Variants in AUTS2 observed in about 807,000 individuals in gnomAD.
The protein encoded by AUTS2 is autism susceptibility gene 2 protein.
Under a neutral mutation model 112.4 loss-of-function variants are expected in AUTS2, and 17 were observed. The ratio of observed to expected loss-of-function variants is 0.15; its 90% CI spans 0.10 to 0.23. The LOEUF is 0.23. Ranked by LOEUF, AUTS2 falls within the 10% of genes least tolerant of loss-of-function variation. The pLI is 1.00. For synonymous variants in AUTS2, 751 were observed against 702.7 expected (o/e 1.07, Z -1.09); for missense variants, 1,510 against 1,701.6 (o/e 0.89, Z 1.98).
intron 5 of AUTS2, among the ~76,000 whole-genome samples, chr7:70,619,677 G>A (rs982871289): frequency 2.6e-5 from 4 of 152,060 alleles, no homozygotes; most frequent in Non-Finnish European, 4.4e-5. Context: ...GTAATAATTA[G>A]CATTTGAGCT....
chr7:70,588,951 A>T (rs574530073), intron 5 of AUTS2, among the ~76,000 whole-genome samples: 1 of 152,210 alleles, frequency 6.6e-6, no homozygotes, highest in Non-Finnish European at 1.5e-5. Flanking sequence ...CCATTCTGAG[A>T]TCTAAGCATA....
chr7:70,652,071 G>A (rs1806537517), intron 5 of AUTS2, among the ~76,000 whole-genome samples: 2 of 152,120 alleles, frequency 1.3e-5, no homozygotes. Context: ...GTATATTACT[G>A]TGTCTATTTG....
chr7:70,744,978 T>C (rs1481632011), intron 6 of AUTS2, among the ~76,000 whole-genome samples: 2 of 152,128 alleles, frequency 1.3e-5, no homozygotes, highest in Non-Finnish European at 2.9e-5. Flanking sequence ...ATTGCAGTGA[T>C]GCATTGCAGG....
chr7:69,791,410 A>G (rs1478426842), intron 1 of AUTS2, among the ~76,000 whole-genome samples: 2 of 152,226 alleles, frequency 1.3e-5, no homozygotes, highest in Non-Finnish European at 2.9e-5. Flanking sequence ...ACCTGAATAT[A>G]GCACAGTAAT....
At chr7:70,404,379 A>G (rs1385098655) in intron 4 of AUTS2, among the ~76,000 whole-genome samples, 1 of 152,166 alleles carries the variant, frequency 6.6e-6, no homozygotes, top group African/African-American at 2.4e-5. Context: ...CTTCAAGGTG[A>G]TAAAAATGCT....
intron 6 of AUTS2, among the ~76,000 whole-genome samples, chr7:70,713,862 C>T (rs1810201048): frequency 6.6e-6 from 1 of 150,752 alleles, no homozygotes; most frequent in Admixed American, 6.6e-5. Context: ...CGCCATTGCA[C>T]TCCAGCCTGG....
At chr7:70,184,468 A>G (rs1352974109) in intron 4 of AUTS2, among the ~76,000 whole-genome samples, 1 of 152,230 alleles carries the variant, frequency 6.6e-6, no homozygotes, top group Admixed American at 6.5e-5. Context: ...TTTCACTAGA[A>G]TGCAAGAACA....
chr7:70,187,326 A>G (rs1809654828), intron 4 of AUTS2, among the ~76,000 whole-genome samples: 1 of 152,170 alleles, frequency 6.6e-6, no homozygotes, highest in Admixed American at 6.5e-5. Context: ...TGAGATATTG[A>G]TAGATATTTA....
intron 1 of AUTS2, among the ~76,000 whole-genome samples, chr7:69,732,015 T>C (rs1243448824): frequency 6.6e-6 from 1 of 152,076 alleles, no homozygotes; most frequent in East Asian, 1.9e-4. Flanking sequence ...GTTTTTTTTT[T>C]CCGCCATGCC....
chr7:70,087,291 CAT>C (rs1449200117), intron 2 of AUTS2, among the ~76,000 whole-genome samples: 2 of 150,828 alleles, frequency 1.3e-5, no homozygotes, highest in African/African-American at 2.4e-5. Context: ...TTTATAAAAA[CAT>C]GATATATTTT....
At chr7:70,319,824 C>T (rs1585013983) in intron 4 of AUTS2, among the ~76,000 whole-genome samples, 1 of 152,006 alleles carries the variant, frequency 6.6e-6, no homozygotes, top group South Asian at 2.1e-4. Flanking sequence ...TCCATCTAGT[C>T]GGAGTAGCTG....
intron 5 of AUTS2, among the ~76,000 whole-genome samples, chr7:70,659,272 G>A (rs992734411): frequency 1.1e-4 from 16 of 152,334 alleles, no homozygotes; most frequent in Non-Finnish European, 1.6e-4. Context: ...CCTGAACTGC[G>A]CGTTGGAATC....
At chr7:69,669,176 A>G (rs1158961984) in intron 1 of AUTS2, among the ~76,000 whole-genome samples, 2 of 152,206 alleles carry the variant, frequency 1.3e-5, no homozygotes, top group Admixed American at 6.5e-5. Flanking sequence ...AAATACCTAA[A>G]TAGCACAAAG....
chr7:69,803,771 T>C (rs1790184574), intron 1 of AUTS2, among the ~76,000 whole-genome samples: 1 of 152,234 alleles, frequency 6.6e-6, no homozygotes. Context: ...GGCTTTTGCC[T>C]GTAATCCCAG....
At chr7:70,459,306 G>A (rs1281419040) in intron 5 of AUTS2, among the ~76,000 whole-genome samples, 2 of 152,180 alleles carry the variant, frequency 1.3e-5, no homozygotes, top group African/African-American at 4.8e-5. Context: ...GAGGCACAAT[G>A]TAGTTCTTGA....
chr7:70,037,640 C>T (rs560229632), intron 2 of AUTS2, among the ~76,000 whole-genome samples: 1 of 152,022 alleles, frequency 6.6e-6, no homozygotes, highest in Non-Finnish European at 1.5e-5. Context: ...TGGATACTCA[C>T]TACTCTTCTT....
chr7:69,876,374 ATATATATATG>A (rs1562943895), intron 1 of AUTS2, among the ~76,000 whole-genome samples: 2 of 115,852 alleles, frequency 1.7e-5, no homozygotes, highest in African/African-American at 6.6e-5. Context: ...ATATATATAT[ATATATATATG>A]TATATATAAT....
At chr7:70,157,533 T>G (rs1807847461) in intron 4 of AUTS2, among the ~76,000 whole-genome samples, 1 of 152,186 alleles carries the variant, frequency 6.6e-6, no homozygotes, top group South Asian at 2.1e-4. Flanking sequence ...TTGCCCAGAC[T>G]GGTGTTGAAC....
At chr7:70,390,144 A>G (rs1793788594) in intron 4 of AUTS2, among the ~76,000 whole-genome samples, 1 of 152,182 alleles carries the variant, frequency 6.6e-6, no homozygotes, top group African/African-American at 2.4e-5. Flanking sequence ...AATGCACCGA[A>G]GAAGAGAATA....
Sources: gnomAD v4.1 joint callset for allele counts (sites outside exome capture counted in the v4.1 genomes callset) on GRCh38, gnomAD v4.1.1 for gene constraint, MANE v1.5 for transcripts, NCBI Gene and HGNC (gene_info 2026-07-23, HGNC 2026-07-21) for gene names.